Variants in HGD observed in about 807,000 individuals in gnomAD.
HGD encodes the protein homogentisate 1,2-dioxygenase, also known as homogentisate oxidase.
In HGD, 61 loss-of-function variants were observed where a neutral mutation model predicts 60.8. The ratio of observed to expected loss-of-function variants is 1.00; its 90% confidence interval spans 0.82 to 1.24. The LOEUF (loss-of-function observed/expected upper bound fraction) is 1.24, where lower values mean the gene tolerates loss of function less well. Among genes scored for constraint, HGD ranks in the 50% most tolerant of loss-of-function variants. HGD has a pLI of 0.00. For synonymous variants in HGD, 212 were observed against 187.7 expected (o/e 1.13, Z -1.06); for missense variants, 542 against 547.1 (o/e 0.99, Z 0.09).
Position 120,656,565 on chromosome 3 carries a change from G to C in HGD, c.283-3914C>G, listed in dbSNP as rs188494144. Among the ~76,000 whole-genome samples the C allele has an allele frequency of 1.6e-3, 248 of 150,694 alleles. 1 individual carries two copies. The highest frequency in any genetic ancestry group is 5.8e-3 in the African/African-American group (239 of 41,126). ...GTAAATTTTTGAGATCTTTTTTTTG[G>C]GGGGGGGTTGGAGTCGCGCTCTGTT... On this transcript the variant is annotated intron_variant, in intron 4 of 13. Coordinates refer to ENST00000283871, the MANE Select transcript of HGD (RefSeq NM_000187.4).
intron 4 of HGD, among the ~76,000 whole-genome samples, chr3:120,668,715 TTC>T (rs1017424526): frequency 1.3e-5 from 2 of 152,256 alleles, no homozygotes; most frequent in Non-Finnish European, 2.9e-5. Flanking sequence ...TTCACACCTA[TTC>T]TCTCATAATC....
At chr3:120,633,532 T>C (rs1288283856) in intron 12 of HGD, 1 of 1,496,154 alleles carries the variant, frequency 6.7e-7, no homozygotes, top group Non-Finnish European at 8.9e-7. Context: ...CTCTACTCCA[T>C]GGCCATGTGG....
intron 13 of HGD, among the ~76,000 whole-genome samples, chr3:120,630,945 C>A (rs954148592): frequency 4.0e-5 from 6 of 151,168 alleles, no homozygotes; most frequent in Non-Finnish European, 1.5e-5. Context: ...CACGACGGAG[C>A]TGGAGGCCAT....
At chr3:120,640,105 C>T (rs536614827) in intron 11 of HGD, among the ~76,000 whole-genome samples, 7 of 131,624 alleles carry the variant, frequency 5.3e-5, no homozygotes, top group African/African-American at 2.0e-4. Flanking sequence ...CAAGAATGAA[C>T]AGAAAGAAAG....
Position 120,646,319 on chromosome 3 carries a change from G to A in HGD, c.597C>T (p.Tyr199=), listed in dbSNP as rs1326123856. The part of the protein sequence containing the change: ...SIDVFEETRG[Y]ILEVYGVHFE... ...AGTGGACACCATAGACCTCCAAGATGTAGCCCCTGGTCTCCTCAAAGACAT... is the reference window on the plus strand; with the variant it reads ...AGTGGACACCATAGACCTCCAAGATATAGCCCCTGGTCTCCTCAAAGACAT... The change falls in exon 9 of 14, where the codon TAC becomes TAT. Residue 199 remains tyrosine, a synonymous_variant. Coordinates refer to ENST00000283871, the MANE Select transcript of HGD (RefSeq NM_000187.4). The A allele has an allele frequency of 1.9e-6, 3 of 1,613,658 alleles. No individual in the cohort carries two copies. The highest frequency in any genetic ancestry group is 2.2e-5 in the East Asian group (1 of 44,892).
At chr3:120,630,506 C>CA (rs1175157268) in intron 13 of HGD, among the ~76,000 whole-genome samples, 2 of 151,906 alleles carry the variant, frequency 1.3e-5, no homozygotes, top group Non-Finnish European at 2.9e-5. Context: ...ATGAAGCTGA[C>CA]AAAAACAAGC....
chr3:120,662,486 A>G (rs949894606), intron 4 of HGD, among the ~76,000 whole-genome samples: 1 of 152,166 alleles, frequency 6.6e-6, no homozygotes, highest in Non-Finnish European at 1.5e-5. Context: ...ACTCCTGAGT[A>G]CCACCTCAGA....
intron 13 of HGD, among the ~76,000 whole-genome samples, chr3:120,632,545 C>T (rs992866617): frequency 6.6e-6 from 1 of 152,220 alleles, no homozygotes; most frequent in Non-Finnish European, 1.5e-5. Flanking sequence ...CAAAAAACAG[C>T]TGAGAATTGC....
intron 12 of HGD, among the ~76,000 whole-genome samples, chr3:120,636,115 A>G (rs1285727253): frequency 3.1e-5 from 2 of 65,518 alleles, no homozygotes; most frequent in East Asian, 5.3e-4. Flanking sequence ...TACTAACAAT[A>G]CAAAAAAAAA....
At chr3:120,646,837 T>C (rs1441878553) in intron 8 of HGD, 136 bp downstream of exon 8, 2 of 775,270 alleles carry the variant, frequency 2.6e-6, no homozygotes, top group African/African-American at 3.4e-5. Flanking sequence ...CATGGAACCT[T>C]CTGCATAACT....
chr3:120,633,119 G>T (rs575961357), intron 13 of HGD, 28 bp downstream of exon 13: 1 of 1,609,356 alleles, frequency 6.2e-7, no homozygotes, highest in South Asian at 1.1e-5. Context: ...TTCAGAGGCC[G>T]CTGGAATGTG....
Position 120,628,234 on chromosome 3 carries a change from C to G in HGD, c.*146G>C. On this transcript the variant is annotated 3_prime_UTR_variant, in exon 14 of 14. Coordinates refer to ENST00000283871, the MANE Select transcript of HGD (RefSeq NM_000187.4). The stretch of plus-strand genomic sequence containing the variant: ...TGACAGCCATAGAACTTTGCAAATG[C>G]GTTTCCATAAAAGTTCTGAGTTACT... The G allele has an allele frequency of 2.3e-6, 2 of 874,630 alleles. No individual in the cohort carries two copies. Among genetic ancestry groups the G allele is most frequent in the Non-Finnish European group, 3.7e-6 (2 of 535,392 alleles). 54.2% of individuals were successfully genotyped at this position (874,630 alleles called of 1,614,324 possible). A position where few individuals can be genotyped will look rare whatever the true frequency, so the allele number is the denominator to read the frequency against.
intron 11 of HGD, among the ~76,000 whole-genome samples, chr3:120,639,707 C>T (rs907324936): frequency 7.3e-5 from 11 of 150,488 alleles, no homozygotes; most frequent in Admixed American, 3.3e-4. Flanking sequence ...TGGGAGAATA[C>T]GGAGATTCCA....
chr3:120,673,768 G>T (rs1324655280), intron 3 of HGD, among the ~76,000 whole-genome samples: 3 of 152,182 alleles, frequency 2.0e-5, no homozygotes, highest in African/African-American at 7.2e-5. Flanking sequence ...ACAATAACTA[G>T]CATTAACTGA....
In HGD at chr3:120,633,292, C is replaced by T. The variant is rs1305169831; in HGVS notation, c.1043G>A (p.Gly348Asp). ...CCCACCTTGCTTTGCCTCATAGTGACCTCGGATGAGTCCCATGAACTCACT... is the reference window on the plus strand; with the variant it reads ...CCCACCTTGCTTTGCCTCATAGTGATCTCGGATGAGTCCCATGAACTCACT... ...CMSEFMGLIR[G>D]HYEAKQGGFL... is the part of the protein sequence containing the mutation. Residue 348 changes from glycine to aspartate, a missense_variant, in exon 13 of 14, where the codon GGT becomes GAT. Around this residue, in one of 2 missense-constraint regions of HGD, gnomAD observed 537 missense variants for 529.1 expected, o/e 1.01. Coordinates refer to ENST00000283871, the MANE Select transcript of HGD (RefSeq NM_000187.4). 2 of 1,613,978 alleles carry T rather than the reference C, an allele frequency of 1.2e-6. No homozygotes were observed. Among genetic ancestry groups the T allele is most frequent in the African/African-American group, 1.3e-5 (1 of 74,906 alleles).
chr3:120,681,994 G>A, intron 1 of HGD, 103 bp downstream of exon 1: 1 of 1,043,390 alleles, frequency 9.6e-7, no homozygotes, highest in Non-Finnish European at 1.5e-6. Flanking sequence ...TTTGAACCAG[G>A]GCCTCTCTAA....
At chr3:120,675,026 T>A (rs1185913006) in intron 2 of HGD, 37 bp from the exon 3 acceptor site, 2 of 1,445,310 alleles carry the variant, frequency 1.4e-6, no homozygotes, top group Non-Finnish European at 1.9e-6. Flanking sequence ...ATTACTCCCA[T>A]CCGAAAAGCA....
chr3:120,651,049 T>C (rs1469765514), intron 5 of HGD, among the ~76,000 whole-genome samples, 184 bp from the exon 6 acceptor site: 1 of 152,206 alleles, frequency 6.6e-6, no homozygotes, highest in Non-Finnish European at 1.5e-5. Context: ...GTTTGGTAGT[T>C]TGTGGTTTAC....
At chr3:120,679,979 T>C (rs951136588) in intron 1 of HGD, among the ~76,000 whole-genome samples, 1 of 152,228 alleles carries the variant, frequency 6.6e-6, no homozygotes, top group Non-Finnish European at 1.5e-5. Flanking sequence ...TAGTAGGTCC[T>C]GTCTCTGGCT....
Sources: gnomAD v4.1 joint callset for allele counts (sites outside exome capture counted in the v4.1 genomes callset) on GRCh38, gnomAD v4.1.1 for gene constraint, gnomAD v4.1.1 regional missense constraint, MANE v1.5 for transcripts, NCBI Gene and HGNC (gene_info 2026-07-23, HGNC 2026-07-21) for gene names.